FER1L6: variants seen among roughly 807,000 people sequenced by gnomAD.
FER1L6 encodes fer-1 like family member 6.
In FER1L6, 177 loss-of-function variants were observed where a neutral mutation model predicts 219.2. The ratio of observed to expected loss-of-function variants is 0.81; its 90% confidence interval spans 0.71 to 0.91. FER1L6 has a LOEUF of 0.91. Among genes scored for constraint, FER1L6 ranks in the 40% least tolerant of loss-of-function variants. The probability of loss-of-function intolerance (pLI) is 0.00; values close to 1 mark genes in which losing one functional copy is unlikely to be tolerated. For missense variants in FER1L6, 2,153 were observed against 2,259.9 expected (o/e 0.95, Z 0.96); for synonymous variants, 768 against 824.3 (o/e 0.93, Z 1.17).
At chr8:123,868,256 C>CCTTATT (rs1816870611) in intron 1 of FER1L6, among the ~76,000 whole-genome samples, 1 of 152,032 alleles carries the variant, frequency 6.6e-6, no homozygotes, top group African/African-American at 2.4e-5. Context: ...AGGCTTGCTG[C>CCTTATT]CTTATTAAAA....
At chr8:123,951,595 G>T (rs1490340021) in intron 1 of FER1L6, among the ~76,000 whole-genome samples, 1 of 152,032 alleles carries the variant, frequency 6.6e-6, no homozygotes, top group African/African-American at 2.4e-5. Flanking sequence ...TTTACCCAAA[G>T]GCTTTTAAGA....
At chr8:123,926,256 T>A (rs4871430) in intron 1 of FER1L6, among the ~76,000 whole-genome samples, 61,783 of 151,962 alleles carry the variant, frequency 0.41, 12,921 homozygotes, top group South Asian at 0.53. Flanking sequence ...TCATATTGAG[T>A]GTTCTTTGCA....
intron 1 of FER1L6, among the ~76,000 whole-genome samples, chr8:123,882,201 G>A (rs758005032): frequency 7.3e-5 from 11 of 151,602 alleles, no homozygotes; most frequent in African/African-American, 1.2e-4. Flanking sequence ...TTTAAATAAA[G>A]TCCCTGATGC....
chr8:123,977,337 A>T, intron 9 of FER1L6, 80 bp from the exon 10 acceptor site: 1 of 1,396,066 alleles, frequency 7.2e-7, no homozygotes, highest in Non-Finnish European at 9.8e-7. Flanking sequence ...AACTCACTTT[A>T]TACTTCCAGC....
At chr8:124,118,656 C>G (rs1823348224) in intron 39 of FER1L6, among the ~76,000 whole-genome samples, 188 bp from the exon 40 acceptor site, 1 of 152,140 alleles carries the variant, frequency 6.6e-6, no homozygotes, top group Admixed American at 6.6e-5. Flanking sequence ...CATTCCTAGG[C>G]TTTTACTGTT....
chr8:124,104,513 T>C (rs946413247), intron 39 of FER1L6, among the ~76,000 whole-genome samples: 1 of 152,102 alleles, frequency 6.6e-6, no homozygotes, highest in African/African-American at 2.4e-5. Context: ...ATTTTATAGA[T>C]GAAAAAGAGA....
chr8:124,026,156 C>T (rs961343078), intron 18 of FER1L6, among the ~76,000 whole-genome samples: 2 of 151,958 alleles, frequency 1.3e-5, no homozygotes, highest in African/African-American at 4.8e-5. Flanking sequence ...TGCTTGGAGG[C>T]CCTGGGTATT....
intron 8 of FER1L6, 118 bp from the exon 9 acceptor site, chr8:123,975,780 C>A: frequency 2.5e-6 from 2 of 804,498 alleles, no homozygotes; most frequent in Non-Finnish European, 3.9e-6. Flanking sequence ...ATGAATCTTA[C>A]TCTTTTCAGA....
chr8:123,868,209 G>A (rs9643187), intron 1 of FER1L6, among the ~76,000 whole-genome samples: 22,970 of 152,076 alleles, frequency 0.15, 1,767 homozygotes, highest in Middle Eastern at 0.2. Flanking sequence ...TCAAACAGGC[G>A]AGTAGGCTAC....
At chr8:123,927,473 T>C (rs1786577894) in intron 1 of FER1L6, among the ~76,000 whole-genome samples, 1 of 152,238 alleles carries the variant, frequency 6.6e-6, no homozygotes, top group African/African-American at 2.4e-5. Context: ...GATACATTGA[T>C]AGAATTCACA....
In FER1L6 at chr8:123,853,732, G is replaced by A. The variant is rs1321441053; in HGVS notation, c.-8+1547G>A. On this transcript the variant is annotated intron_variant, in intron 1 of 40. Transcript: ENST00000522917. The surrounding 1 kb of genome is among the most constrained non-coding windows in gnomAD (Gnocchi z 6.6). ...TCATGGCTATGATGAAGACCTGGAGGAGGAAAAGGCCAGAAAGCTGCAGAC... is the reference window on the plus strand; with the variant it reads ...TCATGGCTATGATGAAGACCTGGAGAAGGAAAAGGCCAGAAAGCTGCAGAC... Among the ~76,000 whole-genome samples, 1 of 152,216 alleles carries A rather than the reference G, an allele frequency of 6.6e-6. No individual in the cohort carries two copies. Among genetic ancestry groups the A allele is most frequent in the Non-Finnish European group, 1.5e-5 (1 of 68,038 alleles).
intron 12 of FER1L6, among the ~76,000 whole-genome samples, chr8:124,000,438 G>GCCCCCA (rs1251833101): frequency 1.3e-5 from 2 of 152,154 alleles, no homozygotes; most frequent in African/African-American, 4.8e-5. Flanking sequence ...GATCACTTCA[G>GCCCCCA]GGTTCTATTG....
intron 15 of FER1L6, among the ~76,000 whole-genome samples, chr8:124,017,257 C>T (rs1389754066): frequency 1.3e-5 from 2 of 152,124 alleles, no homozygotes; most frequent in Non-Finnish European, 2.9e-5. Flanking sequence ...GGTATTGAAT[C>T]TAAAATATTT....
chr8:124,034,181 A>T (rs972562215), intron 18 of FER1L6, among the ~76,000 whole-genome samples: 1 of 148,696 alleles, frequency 6.7e-6, no homozygotes, highest in African/African-American at 2.6e-5. Flanking sequence ...GAAGAAAATT[A>T]CTGACAGGAA....
chr8:123,968,058 T>C (rs531631611), intron 5 of FER1L6, among the ~76,000 whole-genome samples: 26 of 152,252 alleles, frequency 1.7e-4, no homozygotes, highest in East Asian at 7.7e-4. Flanking sequence ...CCAAATCCCA[T>C]TGGAGCTAAT....
chr8:124,107,780 T>A (rs572918347), intron 39 of FER1L6, among the ~76,000 whole-genome samples: 1 of 152,278 alleles, frequency 6.6e-6, no homozygotes, highest in African/African-American at 2.4e-5. Flanking sequence ...GAGGGTCCAT[T>A]TGAAGATCCC....
intron 13 of FER1L6, among the ~76,000 whole-genome samples, chr8:124,008,221 A>G (rs961940755): frequency 6.6e-6 from 1 of 152,154 alleles, no homozygotes; most frequent in Admixed American, 6.5e-5. Context: ...GAGTTGTGTC[A>G]CTTAGAATCA....
chr8:123,860,550 C>T (rs1337103180), intron 1 of FER1L6, among the ~76,000 whole-genome samples: 71 of 116,094 alleles, frequency 6.1e-4, no homozygotes, highest in Admixed American at 8.1e-4. Context: ...CCTGAGGAAT[C>T]GCCACACTGA....
chr8:123,958,705 A>AAC (rs1554621498), intron 2 of FER1L6, among the ~76,000 whole-genome samples: 8 of 151,462 alleles, frequency 5.3e-5, no homozygotes, highest in African/African-American at 1.9e-4. Context: ...TATTAAAAAA[A>AAC]AACCCAAAAC....
Sources: gnomAD v4.1 joint callset for allele counts (sites outside exome capture counted in the v4.1 genomes callset) on GRCh38, gnomAD v4.1.1 for gene constraint, Gnocchi (gnomAD v3.1) non-coding constraint, MANE v1.5 for transcripts, NCBI Gene and HGNC (gene_info 2026-07-23, HGNC 2026-07-21) for gene names.